The following WDR4 variants were observed in gnomAD, a reference collection of about 807,000 sequenced individuals.
WDR4 encodes WDR4 tRNA N7-guanosine methyltransferase non-catalytic subunit, also known as tRNA (guanine-N(7)-)-methyltransferase non-catalytic subunit WDR4.
A neutral mutation model predicts 48.6 loss-of-function variants in WDR4; 47 were observed. That is an observed-to-expected ratio of 0.97 (90% CI 0.77 to 1.23). The LOEUF is 1.23. Among genes scored for constraint, WDR4 ranks in the 50% most tolerant of loss-of-function variants. WDR4 has a pLI of 0.00. For missense variants in WDR4, 606 were observed against 551.6 expected, an observed-to-expected ratio of 1.10 and a Z score of -0.99; for synonymous variants, 268 against 230.0, an observed-to-expected ratio of 1.17 and a Z score of -1.49.
At chr21:42,881,007 G>A (rs552939949), upstream of WDR4, among the ~76,000 whole-genome samples, 267 of 150,610 alleles carry the variant, frequency 1.8e-3, 2 homozygotes, top group Non-Finnish European at 2.9e-3. Context: ...CCGAGTTCAC[G>A]CCATTCTCCT....
Position 42,849,496 on chromosome 21 carries a change from C to T in WDR4, c.*553G>A, listed in dbSNP as rs1195006225. The T allele has an allele frequency of 1.3e-5, 2 of 152,428 alleles. No individual in the cohort carries two copies. Among genetic ancestry groups the T allele is most frequent in the Admixed American group, 6.5e-5 (1 of 15,284 alleles). 9.4% of individuals were successfully genotyped at this position (152,428 alleles called of 1,614,324 possible). On this transcript the variant is annotated 3_prime_UTR_variant, in exon 11 of 11. Transcript: ENST00000398208. ...CGACTCCGAAACGTGTTTCTCACTTCCCACAAGGGAGCCACTCTCCAGGAG... is the reference window on the plus strand; with the variant it reads ...CGACTCCGAAACGTGTTTCTCACTTTCCACAAGGGAGCCACTCTCCAGGAG...
intron 6 of WDR4, among the ~76,000 whole-genome samples, chr21:42,857,253 C>T (rs1020098775): frequency 1.1e-4 from 17 of 152,138 alleles, no homozygotes; most frequent in Admixed American, 7.2e-4. Flanking sequence ...CTAGCCCCTT[C>T]GCACTCACCT....
chr21:42,854,475 G>A, intron 8 of WDR4, 87 bp downstream of exon 8: 1 of 1,364,054 alleles, frequency 7.3e-7, no homozygotes, highest in Non-Finnish European at 1.0e-6. Context: ...CCTCTTCATT[G>A]AGGACGTGGG....
At position 42,850,042 on chromosome 21, in the gene WDR4, G is replaced by A. The variant is rs201660465; in HGVS notation, c.*7C>T. On this transcript the variant is annotated 3_prime_UTR_variant, in exon 11 of 11. Coordinates refer to ENST00000398208, the MANE Select transcript of WDR4 (RefSeq NM_018669.6). ...TTTGAGGTGAGAGACACCACTGACC[G>A]CCACGATCAGCAACTTAGCGTCGCC... 79 of 1,613,170 alleles carry A rather than the reference G, an allele frequency of 4.9e-5. 2 individuals are homozygous for A. The highest frequency in any genetic ancestry group is 4.2e-4 in the South Asian group (38 of 90,968).
intron 1 of WDR4, chr21:42,879,093 C>T (rs1395261405): frequency 2.5e-6 from 3 of 1,176,502 alleles, no homozygotes; most frequent in East Asian, 8.4e-5. Context: ...CTACCCGGTC[C>T]CCGCCGGCGC....
intron 4 of WDR4, 59 bp downstream of exon 4, chr21:42,863,381 C>A: frequency 6.5e-7 from 1 of 1,548,874 alleles, no homozygotes; most frequent in South Asian, 1.2e-5. Context: ...CGTGCCACGT[C>A]CCCCATGTAC....
intron 10 of WDR4, among the ~76,000 whole-genome samples, chr21:42,850,941 G>A (rs1377289572): frequency 6.6e-6 from 1 of 152,106 alleles, no homozygotes; most frequent in Non-Finnish European, 1.5e-5. Flanking sequence ...GCGCACCAGC[G>A]ACTGCCTGAA....
intron 2 of WDR4, among the ~76,000 whole-genome samples, chr21:42,875,203 G>C (rs1569336610): frequency 6.6e-6 from 1 of 152,104 alleles, no homozygotes; most frequent in Non-Finnish European, 1.5e-5. Flanking sequence ...TTGAGCTCAG[G>C]AGTTCAAGAC....
Position 42,863,543 on chromosome 21 carries a change from A to G in WDR4, c.350T>C (p.Val117Ala). 2 of 1,613,656 alleles carry G rather than the reference A, an allele frequency of 1.2e-6. No individual in the cohort carries two copies. Among genetic ancestry groups the G allele is most frequent in the East Asian group, 2.2e-5 (1 of 44,826 alleles). ...GTCTCCAGACTTGTCGGCCACCAAGACCTTCTCCTCCGAGGCTATGAAAGT... is the reference window on the plus strand; with the variant it reads ...GTCTCCAGACTTGTCGGCCACCAAGGCCTTCTCCTCCGAGGCTATGAAAGT... ...ALTFIASEEK[V>A]LVADKSGDVY... Residue 117 changes from valine (V) to alanine (A), a missense_variant, in exon 4 of 11, where the codon GTC becomes GCC. Physicochemically the swap from Val to Ala is moderately conservative, Grantham distance 64. Coordinates refer to ENST00000398208, the MANE Select transcript of WDR4 (RefSeq NM_018669.6).
chr21:42,885,787 T>G, the WDR4 span, among the ~76,000 whole-genome samples: 1 of 152,076 alleles, frequency 6.6e-6, no homozygotes, highest in Non-Finnish European at 1.5e-5. Flanking sequence ...CTTGACCTCC[T>G]CGGCTCAAGT....
chr21:42,859,477 C>T (rs1483260950), intron 6 of WDR4, among the ~76,000 whole-genome samples, 185 bp downstream of exon 6: 8 of 152,060 alleles, frequency 5.3e-5, no homozygotes, highest in Non-Finnish European at 7.4e-5. Context: ...ACGCACACCC[C>T]ACACGCAGTC....
rs1029270279 is a variant in WDR4, at chr21:42,849,764, A to G, written c.*285T>C. On this transcript the variant is annotated 3_prime_UTR_variant, in exon 11 of 11. Coordinates refer to ENST00000398208, the MANE Select transcript of WDR4 (RefSeq NM_018669.6). ...AGGAGAAACACAGACAGCTGCCGCC[A>G]CCACCGGCTCACACGCAGCCTCCGA... 71 of 360,228 alleles carry G rather than the reference A, an allele frequency of 2.0e-4. 2 individuals are homozygous for G. The South Asian group carries it at 2.7e-3, about 14-fold the overall frequency. The allele number at this position is 360,228 out of a possible 1,614,324, so 22.3% of individuals were successfully genotyped here. A position where few individuals can be genotyped will look rare whatever the true frequency, so the allele number is the denominator to read the frequency against.
chr21:42,850,967 A>T (rs969562370), intron 10 of WDR4, among the ~76,000 whole-genome samples: 5 of 152,160 alleles, frequency 3.3e-5, no homozygotes, highest in Non-Finnish European at 1.5e-5. Flanking sequence ...CCCATCCAGC[A>T]GGTGGCGCAG....
rs1363575286 is a variant in WDR4, at chr21:42,873,679, G to A, written c.168C>T (p.Pro56=). 8.7e-6 allele frequency: 14 copies of A among 1,613,790 alleles called. No individual in the cohort carries two copies. The highest frequency in any genetic ancestry group is 1.6e-4 in the Middle Eastern group (1 of 6,082). ...GAATCGCACCGCTCCCCTGGTCCAA[G>A]GGCGCGTCCTCCCTGAGGAAGAGAG... The part of the protein sequence containing the change: ...KSQENKGEDA[P]LDQGSGAILA... Residue 56 remains proline (P), a synonymous_variant, in exon 3 of 11, where the codon CCC becomes CCT. Coordinates refer to ENST00000398208, the MANE Select transcript of WDR4 (RefSeq NM_018669.6).
chr21:42,885,447 C>T, the WDR4 span, among the ~76,000 whole-genome samples: 2 of 152,016 alleles, frequency 1.3e-5, no homozygotes, highest in African/African-American at 4.8e-5. Flanking sequence ...CCCATCTCTA[C>T]TAAAAATACA....
At chr21:42,863,911 T>G (rs13048586) in intron 3 of WDR4, among the ~76,000 whole-genome samples, 2 of 119,174 alleles carry the variant, frequency 1.7e-5, no homozygotes, top group East Asian at 2.1e-4. Context: ...TTGAGACCAT[T>G]CTGGCTAACA....
At chr21:42,852,388 C>A in intron 9 of WDR4, 64 bp from the exon 10 acceptor site, 1 of 1,559,414 alleles carries the variant, frequency 6.4e-7, no homozygotes, top group African/African-American at 1.4e-5. Context: ...AGCACCAGGA[C>A]GCAACACATG....
chr21:42,865,170 TGCAGAAGGGAG>T (rs142080345), intron 3 of WDR4, among the ~76,000 whole-genome samples: 237 of 152,306 alleles, frequency 1.6e-3, no homozygotes, highest in African/African-American at 5.3e-3. Context: ...GCAGCAGAGC[TGCAGAAGGGAG>T]GCAGAAGGGA....
rs1287145055 is a variant in WDR4, at chr21:42,859,803, A to T, written c.567-81T>A. 3 of 1,407,062 alleles carry T rather than the reference A, an allele frequency of 2.1e-6. No individual in the cohort carries two copies. In the East Asian group the frequency reaches 7.5e-5, roughly 35 times the overall value. 87.2% of individuals were successfully genotyped at this position (1,407,062 alleles called of 1,614,324 possible). ...GGAGGCCTGGGGAGGCCGCCTGTTCATCTAAGGAAGAGAAGCCTCTGCCCT... is the reference window on the plus strand; with the variant it reads ...GGAGGCCTGGGGAGGCCGCCTGTTCTTCTAAGGAAGAGAAGCCTCTGCCCT... On this transcript the variant is annotated intron_variant, in intron 5 of 10. Coordinates refer to ENST00000398208, the MANE Select transcript of WDR4 (RefSeq NM_018669.6).
Sources: allele counts gnomAD v4.1 joint callset (sites outside exome capture counted in the v4.1 genomes callset), GRCh38; gene constraint gnomAD v4.1.1; transcripts MANE v1.5; gene names NCBI Gene and HGNC (gene_info 2026-07-23, HGNC 2026-07-21).